The following VWA7 variants were observed in gnomAD, a reference collection of about 807,000 sequenced individuals.
VWA7 encodes the protein von Willebrand factor A domain containing 7.
A neutral mutation model predicts 83.1 loss-of-function variants in VWA7; 66 were observed. The ratio of observed to expected loss-of-function variants is 0.79; its 90% CI spans 0.65 to 0.98. The LOEUF (loss-of-function observed/expected upper bound fraction) is 0.98, where lower values mean the gene tolerates loss of function less well. Ranked by LOEUF, VWA7 falls within the 50% of genes least tolerant of loss-of-function variation. The pLI, the probability that VWA7 is intolerant of heterozygous loss-of-function variation, is 0.00. For synonymous variants in VWA7, 424 were observed against 488.5 expected (o/e 0.87, Z 1.74); for missense variants, 1,080 against 1,160.2 (o/e 0.93, Z 1.00).
In VWA7 at chr6:31,776,546, C is replaced by G. The variant is rs1167127314; in HGVS notation, c.234G>C (p.Leu78=). The change falls in exon 2 of 17, where the codon CTG becomes CTC. Residue 78 remains leucine (L), a splice_region_variant and synonymous_variant. Coordinates refer to ENST00000375688, the MANE Select transcript of VWA7 (RefSeq NM_025258.3). This position sits in a 1 kb window ranked among gnomAD's most constrained non-coding sequence, Gnocchi z 6.2. ...TGTGACAGGACCCTGGGATGCTCAC[C>G]AGGAAGTCCTCAAGACGAAGAGGGG... ...GRPPLRLEDF[L]GRTLLADDLF... 6.5e-7 allele frequency: 1 copy of G among 1,546,076 alleles called. No homozygotes were observed. Among genetic ancestry groups the G allele is most frequent in the Admixed American group, 2.0e-5 (1 of 50,532 alleles).
chr6:31,769,095 C>T lies in VWA7; in HGVS notation c.1426G>A (p.Gly476Arg), dbSNP rs1272693221. ...TCTTTGGTGAAGATCACCTCTCCTC[C>T]TGAGGCCAGGGCCACTGCTTTGTAT... is the stretch of plus-strand genomic sequence containing the variant. The part of the protein sequence containing the change: ...EPYKAVALAS[G>R]GEVIFTKDQH... Residue 476 changes from glycine (G) to arginine (R), a missense_variant, in exon 10 of 17, where the codon GGA becomes AGA. Physicochemically the swap from Gly to Arg is moderately radical, Grantham distance 125 (BLOSUM62 -2). Transcript: ENST00000375688. This position sits in a 1 kb window ranked among gnomAD's most constrained non-coding sequence, Gnocchi z 4.5. 6.2e-7 allele frequency: 1 copy of T among 1,613,132 alleles called. No individual in the cohort carries two copies. The highest frequency in any genetic ancestry group is 1.1e-5 in the South Asian group (1 of 91,088).
In VWA7 at chr6:31,769,694, G is replaced by T. The variant is rs1811982255; in HGVS notation, c.1298C>A (p.Thr433Asn). 1 of 1,613,012 alleles carries T rather than the reference G, an allele frequency of 6.2e-7. No homozygotes were observed. Among genetic ancestry groups the T allele is most frequent in the Non-Finnish European group, 8.5e-7 (1 of 1,180,004 alleles). Residue 433 changes from threonine (T) to asparagine (N), a missense_variant, in exon 9 of 17, where the codon ACT becomes AAT. Thr to Asn is a moderately conservative substitution (Grantham distance 65, BLOSUM62 0). Coordinates refer to ENST00000375688, the MANE Select transcript of VWA7 (RefSeq NM_025258.3). The surrounding 1 kb of genome is among the most constrained non-coding windows in gnomAD (Gnocchi z 4.5). ...GCTCACCCGGCAGCGCCGCTCCTGAGTCAGGGATTCCACCTGGTTGGTGAG... is the reference window on the plus strand; with the variant it reads ...GCTCACCCGGCAGCGCCGCTCCTGATTCAGGGATTCCACCTGGTTGGTGAG... ...AFLTNQVESL[T>N]QERRCRVTFL...
rs989479618 is a variant in VWA7, at chr6:31,776,704, T to TG, written c.75dup (p.Thr26HisfsTer25). 5 of 1,497,306 alleles carry TG rather than the reference T, an allele frequency of 3.3e-6. No homozygotes were observed. The highest frequency in any genetic ancestry group is 2.7e-6 in the Non-Finnish European group (3 of 1,118,458). 92.8% of individuals were successfully genotyped at this position (1,497,306 alleles called of 1,614,324 possible). Reference sequence around the variant, plus strand: ...CAGATGTTGGGGAAGAAGGCAGATGTGGGGGGCAGCAACAGCTGCAGCAGA... The same window carrying TG: ...CAGATGTTGGGGAAGAAGGCAGATGTGGGGGGGCAGCAACAGCTGCAGCAGA... On this transcript the variant is annotated frameshift_variant, in exon 2 of 17. Coordinates refer to ENST00000375688, the MANE Select transcript of VWA7 (RefSeq NM_025258.3). LOFTEE classifies it high-confidence loss of function. This position sits in a 1 kb window ranked among gnomAD's most constrained non-coding sequence, Gnocchi z 6.2.
rs1812374023 is a variant in VWA7 at position 31,773,254 on chromosome 6, C to T, written c.905G>A (p.Arg302Lys). Residue 302 changes from arginine (R) to lysine (K), a missense_variant, in exon 6 of 17, where the codon AGG (arginine) becomes AAG (lysine). Physicochemically the swap from Arg to Lys is conservative, Grantham distance 26. Coordinates refer to ENST00000375688, the MANE Select transcript of VWA7 (RefSeq NM_025258.3). The surrounding 1 kb of genome is among the most constrained non-coding windows in gnomAD (Gnocchi z 5.3). ...GGAGGCCACTCACCTGGAGAAATCC[C>T]TGTCTCCCAGGCGGCTTCGCAGAAG... is the stretch of plus-strand genomic sequence containing the variant. ...FSLLRSRLGD[R>K]DFSRLLDITP... 2 of 1,603,838 alleles carry T rather than the reference C, an allele frequency of 1.2e-6. No individual in the cohort carries two copies. The highest frequency in any genetic ancestry group is 1.3e-5 in the African/African-American group (1 of 74,864).
In VWA7 at chr6:31,765,887, G is replaced by A. The variant is rs771212371; in HGVS notation, c.2495C>T (p.Pro832Leu). ...TGGAAAGTAGTGGTTCCTCACCTGC[G>A]GGGCTGGGGCCGATACCAGGAGCCG... ...FLRLLVSAPA[P>L]QDRHTTPTGS... Residue 832 changes from proline to leucine, a missense_variant, in exon 16 of 17, where the codon CCG (proline) becomes CTG (leucine). Physicochemically the swap from Pro to Leu is moderately conservative, Grantham distance 98 (BLOSUM62 -3). Coordinates refer to ENST00000375688, the MANE Select transcript of VWA7 (RefSeq NM_025258.3). 2.5e-6 allele frequency: 4 copies of A among 1,613,066 alleles called. No individual in the cohort carries two copies. Among genetic ancestry groups the A allele is most frequent in the African/African-American group, 2.7e-5 (2 of 75,056 alleles).
At chr6:31,774,395 C>T (rs1812490633) in intron 5 of VWA7, 121 bp downstream of exon 5, 2 of 959,050 alleles carry the variant, frequency 2.1e-6, no homozygotes, top group African/African-American at 1.6e-5. Flanking sequence ...CCACCCTGTT[C>T]CCAGCATCCT....
Position 31,776,529 on chromosome 6 carries a change from G to A in VWA7, c.234+17C>T. ...GGGGACTCTGGCAGGGGTGTGACAG[G>A]ACCCTGGGATGCTCACCAGGAAGTC... On this transcript the variant is annotated intron_variant, in intron 2 of 16. Transcript: ENST00000375688. The surrounding 1 kb of genome is among the most constrained non-coding windows in gnomAD (Gnocchi z 6.2). 6.5e-7 allele frequency: 1 copy of A among 1,532,666 alleles called. No individual in the cohort carries two copies. Among genetic ancestry groups the A allele is most frequent in the Non-Finnish European group, 8.8e-7 (1 of 1,135,006 alleles). 94.9% of individuals were successfully genotyped at this position (1,532,666 alleles called of 1,614,324 possible).
chr6:31,770,041 C>A lies in VWA7; in HGVS notation c.1160G>T (p.Gly387Val), dbSNP rs115526889. The A allele has an allele frequency of 7.5e-4, 1,207 of 1,612,878 alleles. 9 individuals are homozygous for A. The highest frequency in any genetic ancestry group is 6.7e-3 in the East Asian group (299 of 44,866). The change falls in exon 8 of 17, where the codon GGG becomes GTG. Residue 387 changes from glycine to valine, a missense_variant. Gly to Val is a moderately radical substitution (Grantham distance 109). Transcript: ENST00000375688. Reference protein sequence around the residue: ...WQQLNEIHALGGGDEPEMCLS... With the variant: ...WQQLNEIHALVGGDEPEMCLS... Reference sequence around the variant, plus strand: ...GCACATCTCAGGCTCGTCTCCACCCCCCAAGGCATGGATCTCATTAAGCTG... The same window carrying A: ...GCACATCTCAGGCTCGTCTCCACCCACCAAGGCATGGATCTCATTAAGCTG...
Position 31,775,827 on chromosome 6 carries a change from T to A in VWA7, c.513+137A>T, listed in dbSNP as rs1321940851. 7.2e-7 allele frequency: 1 copy of A among 1,391,720 alleles called. No homozygotes were observed. Among genetic ancestry groups the A allele is most frequent in the African/African-American group, 1.4e-5 (1 of 69,258 alleles). The allele number at this position is 1,391,720 out of a possible 1,614,324, so 86.2% of individuals were successfully genotyped here. A position where few individuals can be genotyped will look rare whatever the true frequency, so the allele number is the denominator to read the frequency against. ...GGAGGTGGGGAACTGGGACACAGCCTCGGGGCACCGCGTGCCAGTGCCCAC... is the reference window on the plus strand; with the variant it reads ...GGAGGTGGGGAACTGGGACACAGCCACGGGGCACCGCGTGCCAGTGCCCAC... On this transcript the variant is annotated intron_variant, in intron 3 of 16. Transcript: ENST00000375688. This position sits in a 1 kb window ranked among gnomAD's most constrained non-coding sequence, Gnocchi z 5.9.
At position 31,769,765 on chromosome 6, in the gene VWA7, G is replaced by C; in HGVS notation, c.1227C>G (p.Leu409=). ...CATCCGTGAAGACAAAGATATCTGAGAGTGGAGGTGTGTGCAGCAGGGCCA... is the reference window on the plus strand; with the variant it reads ...CATCCGTGAAGACAAAGATATCTGACAGTGGAGGTGTGTGCAGCAGGGCCA... ...LQLALLHTPP[L]SDIFVFTDAS... is the part of the protein sequence containing the mutation. The change falls in exon 9 of 17, where the codon CTC becomes CTG. Residue 409 remains leucine (L), a synonymous_variant. Coordinates refer to ENST00000375688, the MANE Select transcript of VWA7 (RefSeq NM_025258.3). The surrounding 1 kb of genome is among the most constrained non-coding windows in gnomAD (Gnocchi z 4.5). The C allele has an allele frequency of 1.2e-6, 2 of 1,613,124 alleles. No homozygotes were observed. Among genetic ancestry groups the C allele is most frequent in the East Asian group, 2.2e-5 (1 of 44,882 alleles).
rs749066407 is a variant in VWA7 at position 31,767,762 on chromosome 6, G to T, written c.1504-8C>A. On this transcript the variant is annotated splice_region_variant and splice_polypyrimidine_tract_variant and intron_variant, in intron 10 of 16. Transcript: ENST00000375688. ...GTCCAGGGGAAGAGTCACCTTGAGGGATTGGCAGGACCAGAAAATGGGGAA... is the reference window on the plus strand; with the variant it reads ...GTCCAGGGGAAGAGTCACCTTGAGGTATTGGCAGGACCAGAAAATGGGGAA... 4 of 1,595,972 alleles carry T rather than the reference G, an allele frequency of 2.5e-6. No homozygotes were observed. In the East Asian group the frequency reaches 9.0e-5, roughly 36 times the overall value.
Position 31,776,056 on chromosome 6 carries a change from C to T in VWA7, c.421G>A (p.Val141Ile). 6.8e-6 allele frequency: 11 copies of T among 1,613,766 alleles called. No individual in the cohort carries two copies. The highest frequency in any genetic ancestry group is 1.3e-5 in the African/African-American group (1 of 75,044). Residue 141 changes from valine (V) to isoleucine (I), a missense_variant, in exon 3 of 17, where the codon GTA (valine) becomes ATA (isoleucine). By Grantham distance (29) the Val-to-Ile change is conservative. Coordinates refer to ENST00000375688, the MANE Select transcript of VWA7 (RefSeq NM_025258.3). The surrounding 1 kb of genome is among the most constrained non-coding windows in gnomAD (Gnocchi z 6.2). ...ERLGQGRARL[V>I]GALRETVVAA... ...ACCACGGTCTCCCGCAGAGCCCCTA[C>T]CAGGCGCGCGCGTCCCTGACCCAGT...
rs756588087 is a variant in VWA7 at position 31,766,771 on chromosome 6, CA to C, written c.1883-8del. ...AGCAGCTGGGTCTGAAGACCTGGGACAGGGGCGAGGAGGGGAGAACATTGTG... is the reference window on the plus strand; with the variant it reads ...AGCAGCTGGGTCTGAAGACCTGGGACGGGGCGAGGAGGGGAGAACATTGTG... On this transcript the variant is annotated splice_polypyrimidine_tract_variant and splice_region_variant and intron_variant, in intron 13 of 16. Coordinates refer to ENST00000375688, the MANE Select transcript of VWA7 (RefSeq NM_025258.3). The surrounding 1 kb of genome is among the most constrained non-coding windows in gnomAD (Gnocchi z 4.9). The C allele has an allele frequency of 5.1e-5, 82 of 1,595,384 alleles. No homozygotes were observed. The highest frequency in any genetic ancestry group is 3.4e-5 in the Admixed American group (2 of 59,268).
At position 31,766,899 on chromosome 6, in the gene VWA7, TGGGGA is replaced by T; in HGVS notation, c.1883-140_1883-136del. ...ATAGGTTACCTTCGAGGGGTATTGATGGGGAGCATCAGGAGGGAGTTCTGGGGTGC... is the reference window on the plus strand; with the variant it reads ...ATAGGTTACCTTCGAGGGGTATTGATGCATCAGGAGGGAGTTCTGGGGTGC... On this transcript the variant is annotated intron_variant, in intron 13 of 16. Transcript: ENST00000375688. This position sits in a 1 kb window ranked among gnomAD's most constrained non-coding sequence, Gnocchi z 4.9. The T allele has an allele frequency of 1.0e-6, 1 of 971,744 alleles. No homozygotes were observed. Among genetic ancestry groups the T allele is most frequent in the Non-Finnish European group, 1.5e-6 (1 of 678,262 alleles). 60.2% of individuals were successfully genotyped at this position (971,744 alleles called of 1,614,324 possible).
Position 31,776,494 on chromosome 6 carries a change from C to T in VWA7, c.234+52G>A. 1 of 1,451,196 alleles carries T rather than the reference C, an allele frequency of 6.9e-7. No individual in the cohort carries two copies. The highest frequency in any genetic ancestry group is 9.3e-7 in the Non-Finnish European group (1 of 1,076,202). The allele number at this position is 1,451,196 out of a possible 1,614,324, so 89.9% of individuals were successfully genotyped here. ...CCAGAGCCCTCAAGGAGTAGAGGCC[C>T]CATGGAATTGGGGACTCTGGCAGGG... On this transcript the variant is annotated intron_variant, in intron 2 of 16. Transcript: ENST00000375688. This position sits in a 1 kb window ranked among gnomAD's most constrained non-coding sequence, Gnocchi z 6.2.
Position 31,766,573 on chromosome 6 carries a change from G to C in VWA7, c.2074C>G (p.Leu692Val), listed in dbSNP as rs1811605032. 1.2e-6 allele frequency: 2 copies of C among 1,612,810 alleles called. No individual in the cohort carries two copies. Among genetic ancestry groups the C allele is most frequent in the Non-Finnish European group, 1.7e-6 (2 of 1,180,022 alleles). Residue 692 changes from leucine (L) to valine (V), a missense_variant, in exon 14 of 17, where the codon CTG (leucine) becomes GTG (valine). Leu to Val is a conservative substitution (Grantham distance 32, BLOSUM62 1). Transcript: ENST00000375688. The surrounding 1 kb of genome is among the most constrained non-coding windows in gnomAD (Gnocchi z 4.9). ...AGGGAGAAGGGTCTAGGGGTGGACA[G>C]CAGCGTGGGCGACAGCGAGGCTGCG... ...LLAASLSPTLLSTPRPFSLEL... is the reference protein window; with the variant it reads ...LLAASLSPTLVSTPRPFSLEL...
Position 31,776,496 on chromosome 6 carries a change from A to G in VWA7, c.234+50T>C. ...AGAGCCCTCAAGGAGTAGAGGCCCC[A>G]TGGAATTGGGGACTCTGGCAGGGGT... On this transcript the variant is annotated intron_variant, in intron 2 of 16. Coordinates refer to ENST00000375688, the MANE Select transcript of VWA7 (RefSeq NM_025258.3). This position sits in a 1 kb window ranked among gnomAD's most constrained non-coding sequence, Gnocchi z 6.2. The G allele has an allele frequency of 1.4e-6, 2 of 1,460,720 alleles. No homozygotes were observed. Among genetic ancestry groups the G allele is most frequent in the Non-Finnish European group, 9.2e-7 (1 of 1,084,514 alleles). 90.5% of individuals were successfully genotyped at this position (1,460,720 alleles called of 1,614,324 possible).
chr6:31,770,463 C>A (rs932544275), intron 7 of VWA7, among the ~76,000 whole-genome samples: 4 of 150,428 alleles, frequency 2.7e-5, no homozygotes, highest in Non-Finnish European at 5.9e-5. Context: ...GTAGCCTCCC[C>A]AGCTACTGGG....
In VWA7 at chr6:31,765,967, A is replaced by C. The variant is rs770955289; in HGVS notation, c.2415T>G (p.Thr805=). The stretch of plus-strand genomic sequence containing the variant: ...TGGCTTCTCGTCCCCCTGCAGTCAC[A>C]GTCACCATCACCACGGAATCCGGGG... ...SAAPDSVVMV[T]VTAGGREANP... is the part of the protein sequence containing the mutation. Residue 805 remains threonine, a synonymous_variant, in exon 16 of 17, where the codon ACT becomes ACG. Coordinates refer to ENST00000375688, the MANE Select transcript of VWA7 (RefSeq NM_025258.3). 11 of 1,612,970 alleles carry C rather than the reference A, an allele frequency of 6.8e-6. No individual in the cohort carries two copies. The South Asian group carries it at 1.2e-4, about 18-fold the overall frequency.
Sources: allele counts gnomAD v4.1 joint callset (sites outside exome capture counted in the v4.1 genomes callset), GRCh38; gene constraint gnomAD v4.1.1; non-coding constraint Gnocchi (gnomAD v3.1); transcripts MANE v1.5; gene names NCBI Gene and HGNC (gene_info 2026-07-23, HGNC 2026-07-21).